ATRNL1: variants seen among roughly 807,000 people sequenced by gnomAD.
The protein encoded by ATRNL1 is attractin like 1, also known as attractin-like protein 1.
Under a neutral mutation model 182.7 loss-of-function variants are expected in ATRNL1, and 95 were observed. The observed-to-expected ratio is 0.52, with a 90% CI of 0.44 to 0.62. The LOEUF (loss-of-function observed/expected upper bound fraction) is 0.62. Among genes scored for constraint, ATRNL1 ranks in the 20% least tolerant of loss-of-function variants. The pLI is 0.00. For synonymous variants in ATRNL1, 576 were observed against 568.3 expected, an observed-to-expected ratio of 1.01 and a Z score of -0.19; for missense variants, 1,471 against 1,679.5, an observed-to-expected ratio of 0.88 and a Z score of 2.17.
chr10:115,168,083 A>T (rs549725085), intron 7 of ATRNL1, among the ~76,000 whole-genome samples: 1 of 152,168 alleles, frequency 6.6e-6, no homozygotes, highest in African/African-American at 2.4e-5. Flanking sequence ...GAAGTCATAT[A>T]CTATGTATGT....
chr10:115,207,408 G>T (rs1848842563), intron 8 of ATRNL1, among the ~76,000 whole-genome samples: 1 of 152,028 alleles, frequency 6.6e-6, no homozygotes, highest in Non-Finnish European at 1.5e-5. Flanking sequence ...GTATCTCATT[G>T]TGGTTTTGGT....
chr10:115,542,047 A>G (rs886290257), intron 25 of ATRNL1, among the ~76,000 whole-genome samples: 4 of 152,178 alleles, frequency 2.6e-5, no homozygotes, highest in African/African-American at 9.6e-5. Context: ...CACTGTATAC[A>G]TTGTCCTTTG....
At chr10:115,565,577 T>G (rs919978225) in intron 26 of ATRNL1, among the ~76,000 whole-genome samples, 7 of 152,234 alleles carry the variant, frequency 4.6e-5, no homozygotes, top group Middle Eastern at 3.4e-3. Context: ...AATTAATATT[T>G]ATTACTTTGG....
chr10:115,919,049 T>G (rs1555118056), intron 28 of ATRNL1, among the ~76,000 whole-genome samples: 1 of 152,150 alleles, frequency 6.6e-6, no homozygotes, highest in Non-Finnish European at 1.5e-5. Context: ...GCAATAAAAC[T>G]TCGCAGACAT....
At chr10:115,556,791 T>G (rs749441200) in intron 26 of ATRNL1, among the ~76,000 whole-genome samples, 1 of 150,938 alleles carries the variant, frequency 6.6e-6, no homozygotes, top group Non-Finnish European at 1.5e-5. Flanking sequence ...TATCTTGGAC[T>G]CCTCCTCCAT....
At chr10:115,630,908 T>C (rs1210818659) in intron 26 of ATRNL1, among the ~76,000 whole-genome samples, 2 of 150,116 alleles carry the variant, frequency 1.3e-5, no homozygotes, top group Non-Finnish European at 3.0e-5. Context: ...AAGGAGATCC[T>C]GTCTTTTGCA....
chr10:115,159,211 A>G (rs1554882714), intron 5 of ATRNL1, among the ~76,000 whole-genome samples: 1 of 151,494 alleles, frequency 6.6e-6, no homozygotes, highest in Non-Finnish European at 1.5e-5. Context: ...AAATTTAAAC[A>G]TAGGAGTTTA....
intron 26 of ATRNL1, among the ~76,000 whole-genome samples, chr10:115,646,803 T>G (rs1859644744): frequency 6.6e-6 from 1 of 152,080 alleles, no homozygotes; most frequent in African/African-American, 2.4e-5. Context: ...TATGAATTTT[T>G]TTTATTATAC....
intron 20 of ATRNL1, among the ~76,000 whole-genome samples, chr10:115,409,676 A>G (rs1554959380): frequency 6.6e-6 from 1 of 152,216 alleles, no homozygotes; most frequent in Admixed American, 6.5e-5. Flanking sequence ...CAAACAAAAA[A>G]ACAAAAACCA....
chr10:115,768,142 G>C (rs2960691), intron 27 of ATRNL1, among the ~76,000 whole-genome samples: 144,759 of 152,214 alleles, frequency 0.95, 69,233 homozygotes, highest in East Asian at 1. Flanking sequence ...CTTCCAGTTT[G>C]TGGCTCTGTG....
intron 27 of ATRNL1, among the ~76,000 whole-genome samples, chr10:115,741,999 T>A (rs919135102): frequency 6.6e-6 from 1 of 152,178 alleles, no homozygotes; most frequent in Non-Finnish European, 1.5e-5. Context: ...ATGTCATCCA[T>A]TTCAAAGCAG....
At chr10:115,864,048 AG>A (rs1343620726) in intron 28 of ATRNL1, among the ~76,000 whole-genome samples, 1 of 152,134 alleles carries the variant, frequency 6.6e-6, no homozygotes, top group African/African-American at 2.4e-5. Flanking sequence ...GATAAAGAAT[AG>A]ATAGTTCGAG....
chr10:115,374,444 C>CT (rs1218573888), intron 19 of ATRNL1, among the ~76,000 whole-genome samples: 10 of 132,048 alleles, frequency 7.6e-5, no homozygotes, highest in East Asian at 2.1e-4. Flanking sequence ...TCTCCTTCTC[C>CT]TTCCTTCCTT....
intron 28 of ATRNL1, among the ~76,000 whole-genome samples, chr10:115,941,019 G>A (rs1953715688): frequency 6.6e-6 from 1 of 152,164 alleles, no homozygotes; most frequent in African/African-American, 2.4e-5. Flanking sequence ...AAGGACCTAA[G>A]CCAAATGAAA....
At chr10:115,364,864 T>G (rs1856944934) in intron 19 of ATRNL1, among the ~76,000 whole-genome samples, 1 of 151,018 alleles carries the variant, frequency 6.6e-6, no homozygotes, top group Non-Finnish European at 1.5e-5. Context: ...ATCCCAGGGA[T>G]GAAGCCCACT....
At position 115,215,714 on chromosome 10, in the gene ATRNL1, G is replaced by A. The variant is rs1190963035; in HGVS notation, c.1366G>A (p.Val456Ile). 2 of 1,595,684 alleles carry A rather than the reference G, an allele frequency of 1.3e-6. No individual in the cohort carries two copies. The highest frequency in any genetic ancestry group is 4.6e-5 in the East Asian group (2 of 43,816). The change falls in exon 9 of 29, where the codon GTT (valine) becomes ATT (isoleucine). Residue 456 changes from valine (V) to isoleucine (I), a missense_variant. Physicochemically the swap from Val to Ile is conservative, Grantham distance 29. Coordinates refer to ENST00000355044, the MANE Select transcript of ATRNL1 (RefSeq NM_207303.4). ...EYHISSNTWL[V>I]PETKGAIVQG... is the part of the protein sequence containing the mutation. The stretch of plus-strand genomic sequence containing the variant: ...TGTTACAGCATCAAACACTTGGCTT[G>A]TTCCAGAAACTAAAGGAGCTATTGT...
intron 26 of ATRNL1, among the ~76,000 whole-genome samples, chr10:115,593,672 C>T (rs1439564464): frequency 1.3e-5 from 2 of 152,244 alleles, no homozygotes; most frequent in South Asian, 2.1e-4. Flanking sequence ...CCAATTAAAA[C>T]TATATCATAA....
rs908302438 is a variant in ATRNL1, at chr10:115,315,881, C to T, written c.3037+145C>T. 18 of 661,858 alleles carry T rather than the reference C, an allele frequency of 2.7e-5. No individual in the cohort carries two copies. In the South Asian group the frequency reaches 3.8e-4, roughly 14 times the overall value. 41.0% of individuals were successfully genotyped at this position (661,858 alleles called of 1,614,324 possible). ...AAATGTCAAAGATAAAAAATTATTC[C>T]ATAGACTATATCTATCTCAGTTTAT... On this transcript the variant is annotated intron_variant, in intron 18 of 28. Coordinates refer to ENST00000355044, the MANE Select transcript of ATRNL1 (RefSeq NM_207303.4).
At chr10:115,387,630 C>T (rs1028492915) in intron 19 of ATRNL1, among the ~76,000 whole-genome samples, 1 of 152,152 alleles carries the variant, frequency 6.6e-6, no homozygotes, top group African/African-American at 2.4e-5. Flanking sequence ...TACAAATCTG[C>T]TTTCAGACTT....
Sources: allele counts gnomAD v4.1 joint callset (sites outside exome capture counted in the v4.1 genomes callset), GRCh38; gene constraint gnomAD v4.1.1; transcripts MANE v1.5; gene names NCBI Gene and HGNC (gene_info 2026-07-23, HGNC 2026-07-21).